The following GABRA3 variants were observed in gnomAD, a reference collection of about 807,000 sequenced individuals.
GABRA3 encodes the protein gamma-aminobutyric acid type A receptor subunit alpha3, also known as gamma-aminobutyric acid receptor subunit alpha-3.
Under a neutral mutation model 30.1 loss-of-function variants are expected in GABRA3, and 10 were observed. The observed-to-expected ratio is 0.33, with a 90% CI of 0.20 to 0.56. The LOEUF is 0.56. Among genes scored for constraint, GABRA3 ranks in the 20% least tolerant of loss-of-function variants. The probability of loss-of-function intolerance (pLI) is 0.89; values close to 1 mark genes in which losing one functional copy is unlikely to be tolerated. For missense variants in GABRA3, 233 were observed against 392.0 expected (o/e 0.59, Z 3.42); for synonymous variants, 151 against 146.8 (o/e 1.03, Z -0.21).
chrX:152,413,016 G>A (rs1209494709), intron 1 of GABRA3, among the ~76,000 whole-genome samples: 1 of 110,724 alleles, frequency 9.0e-6, no homozygotes, highest in South Asian at 3.7e-4. Flanking sequence ...GAAGTGCAAC[G>A]AACTTCAAGT....
intron 7 of GABRA3, among the ~76,000 whole-genome samples, chrX:152,199,315 A>T (rs5925131): frequency 9.9e-6 from 1 of 101,485 alleles, no homozygotes; most frequent in East Asian, 3.0e-4. Flanking sequence ...GCAGTGAGCC[A>T]AGGTCGTGCC....
At chrX:152,268,640 T>C (rs1167268499) in intron 4 of GABRA3, among the ~76,000 whole-genome samples, 3 of 112,165 alleles carry the variant, frequency 2.7e-5, no homozygotes, top group South Asian at 7.4e-4. Context: ...TGAACATGGC[T>C]CACTGCAGCC....
chrX:152,248,969 C>T (rs1023007901), intron 5 of GABRA3, among the ~76,000 whole-genome samples: 5 of 111,634 alleles, frequency 4.5e-5, no homozygotes, highest in Non-Finnish European at 9.4e-5. Flanking sequence ...ATAAATAAAT[C>T]TGTAAAAACA....
At chrX:152,320,774 T>C (rs1001272476) in intron 3 of GABRA3, among the ~76,000 whole-genome samples, 2 of 111,525 alleles carry the variant, frequency 1.8e-5, no homozygotes, top group Admixed American at 1.9e-4. Context: ...GGTATACAAA[T>C]GGAAGGATAT....
intron 3 of GABRA3, among the ~76,000 whole-genome samples, chrX:152,305,518 T>G (rs1939707641): frequency 8.9e-6 from 1 of 111,848 alleles, no homozygotes; most frequent in African/African-American, 3.2e-5. Context: ...TTTCATCTTT[T>G]ATTTATCTGA....
chrX:152,327,130 C>A (rs368778565), intron 3 of GABRA3, among the ~76,000 whole-genome samples: 2 of 110,351 alleles, frequency 1.8e-5, no homozygotes, highest in African/African-American at 6.6e-5. Flanking sequence ...GATAGAGGGA[C>A]CAATTCAACA....
At chrX:152,233,336 G>C (rs1336366692) in intron 5 of GABRA3, among the ~76,000 whole-genome samples, 2 of 110,775 alleles carry the variant, frequency 1.8e-5, no homozygotes, top group African/African-American at 6.6e-5. Flanking sequence ...GTCAATTTTG[G>C]CTTTTGTTGC....
rs193070564 is a variant in GABRA3 at position 152,346,104 on chromosome X, C to A, written c.141-402G>T. Among the ~76,000 whole-genome samples, 139 of 111,907 alleles carry A rather than the reference C, an allele frequency of 1.2e-3. 1 individual carries two copies. The highest frequency in any genetic ancestry group is 1.8e-3 in the Non-Finnish European group (98 of 53,217). ...ATGTTACTGAGAACTTACCTCACTT[C>A]TAGCCCAGAGAAATTTAAGTTCACA... On this transcript the variant is annotated intron_variant, in intron 2 of 9. Transcript: ENST00000370314.
At chrX:152,335,671 T>C (rs989389463) in intron 3 of GABRA3, among the ~76,000 whole-genome samples, 7 of 111,993 alleles carry the variant, frequency 6.3e-5, no homozygotes, top group Admixed American at 1.9e-4. Context: ...CCTGGATATA[T>C]TGCATAGTGG....
chrX:152,303,866 G>A (rs1939678306), intron 3 of GABRA3, among the ~76,000 whole-genome samples: 1 of 111,043 alleles, frequency 9.0e-6, no homozygotes, highest in Non-Finnish European at 1.9e-5. Flanking sequence ...CGCATGTGGG[G>A]CTTAAAACCT....
intron 4 of GABRA3, among the ~76,000 whole-genome samples, chrX:152,274,009 A>G (rs1490769791): frequency 8.9e-6 from 1 of 111,804 alleles, no homozygotes; most frequent in African/African-American, 3.2e-5. Flanking sequence ...AAGGTTTGAA[A>G]GTACTGTGAT....
intron 2 of GABRA3, among the ~76,000 whole-genome samples, chrX:152,350,183 G>A (rs1489146532): frequency 1.9e-5 from 2 of 105,476 alleles, no homozygotes; most frequent in African/African-American, 7.1e-5. Flanking sequence ...CATGGAAACT[G>A]AACAACCTGC....
intron 9 of GABRA3, among the ~76,000 whole-genome samples, chrX:152,180,929 T>A (rs1937137244): frequency 8.9e-6 from 1 of 112,532 alleles, no homozygotes; most frequent in Admixed American, 9.5e-5. Flanking sequence ...CAAGCTGTTT[T>A]GGTTAATATA....
chrX:152,210,257 A>G (rs1937617207), intron 6 of GABRA3, among the ~76,000 whole-genome samples: 2 of 112,122 alleles, frequency 1.8e-5, no homozygotes, highest in African/African-American at 6.5e-5. Flanking sequence ...AAAGATGTGA[A>G]AATATCCTTT....
At chrX:152,349,568 G>A (rs1327720682) in intron 2 of GABRA3, among the ~76,000 whole-genome samples, 1 of 108,684 alleles carries the variant, frequency 9.2e-6, no homozygotes, top group Non-Finnish European at 1.9e-5. Flanking sequence ...CCCATCTCAC[G>A]TGCAAAGACA....
chrX:152,219,101 T>C (rs73241875), intron 6 of GABRA3, among the ~76,000 whole-genome samples: 1,508 of 111,416 alleles, frequency 0.014, 5 homozygotes, highest in Non-Finnish European at 0.023. Context: ...GTTTATTAAA[T>C]TATTCTCTTC....
chrX:152,436,739 A>C (rs147929878), intron 1 of GABRA3, among the ~76,000 whole-genome samples: 77 of 111,737 alleles, frequency 6.9e-4, no homozygotes, highest in African/African-American at 2.3e-3. Flanking sequence ...AAAGTCATCT[A>C]AACATGCACC....
chrX:152,245,551 T>A (rs952076596), intron 5 of GABRA3, among the ~76,000 whole-genome samples: 2 of 111,433 alleles, frequency 1.8e-5, no homozygotes, highest in African/African-American at 6.5e-5. Flanking sequence ...AGGGAGCACA[T>A]CTGAGTTTTA....
At chrX:152,440,285 C>T (rs1245204846) in intron 1 of GABRA3, among the ~76,000 whole-genome samples, 1 of 112,458 alleles carries the variant, frequency 8.9e-6, no homozygotes, top group African/African-American at 3.2e-5. Flanking sequence ...ATCATCACTG[C>T]TCATTAGAGA....
Sources: allele counts gnomAD v4.1 joint callset (sites outside exome capture counted in the v4.1 genomes callset), GRCh38; gene constraint gnomAD v4.1.1; transcripts MANE v1.5; gene names NCBI Gene and HGNC (gene_info 2026-07-23, HGNC 2026-07-21).